NLGN1: variants seen among roughly 807,000 people sequenced by gnomAD.
The protein encoded by NLGN1 is neuroligin 1.
A neutral mutation model predicts 65.5 loss-of-function variants in NLGN1; 12 were observed. That is an observed-to-expected ratio of 0.18 (90% confidence interval 0.12 to 0.30). The LOEUF is 0.30. Among genes scored for constraint, NLGN1 ranks in the 10% least tolerant of loss-of-function variants. The probability of loss-of-function intolerance (pLI) is 1.00; values close to 1 mark genes in which losing one functional copy is unlikely to be tolerated. For synonymous variants in NLGN1, 350 were observed against 359.5 expected (o/e 0.97, Z 0.30); for missense variants, 750 against 1,007.1 (o/e 0.74, Z 3.46).
chr3:174,171,755 A>G (rs140491208), intron 4 of NLGN1, among the ~76,000 whole-genome samples: 1 of 152,184 alleles, frequency 6.6e-6, no homozygotes, highest in East Asian at 1.9e-4. Flanking sequence ...ATATCAATTT[A>G]ACTCTTCTTT....
intron 2 of NLGN1, among the ~76,000 whole-genome samples, chr3:173,562,905 T>C (rs1742999010): frequency 6.6e-6 from 1 of 152,166 alleles, no homozygotes; most frequent in African/African-American, 2.4e-5. Context: ...CTTTTGGCTA[T>C]CTCCACCAAG....
chr3:173,665,710 A>T (rs1231811386), intron 3 of NLGN1, among the ~76,000 whole-genome samples: 2 of 152,124 alleles, frequency 1.3e-5, no homozygotes, highest in African/African-American at 4.8e-5. Context: ...AAAGATATGT[A>T]TTTCAATGGG....
chr3:173,404,940 A>G (rs1718340678), intron 1 of NLGN1, among the ~76,000 whole-genome samples: 1 of 152,138 alleles, frequency 6.6e-6, no homozygotes, highest in African/African-American at 2.4e-5. Flanking sequence ...ACTACTTAGA[A>G]TTTTTACTTT....
At chr3:174,224,165 G>A (rs763597222) in intron 4 of NLGN1, among the ~76,000 whole-genome samples, 2 of 151,928 alleles carry the variant, frequency 1.3e-5, no homozygotes, top group East Asian at 1.9e-4. Context: ...CCACTTTCAG[G>A]GTTCTAGAAA....
chr3:174,192,107 T>C (rs1162827836), intron 4 of NLGN1, among the ~76,000 whole-genome samples: 1 of 152,116 alleles, frequency 6.6e-6, no homozygotes, highest in Non-Finnish European at 1.5e-5. Flanking sequence ...CGTTGTATAT[T>C]TCCGGATAGC....
chr3:173,835,422 A>C (rs1374555037), intron 4 of NLGN1, among the ~76,000 whole-genome samples: 1 of 152,114 alleles, frequency 6.6e-6, no homozygotes, highest in African/African-American at 2.4e-5. Flanking sequence ...TGAAATTTGC[A>C]ACAGAATTTA....
At chr3:173,914,226 C>A (rs952576751) in intron 4 of NLGN1, among the ~76,000 whole-genome samples, 3 of 152,146 alleles carry the variant, frequency 2.0e-5, no homozygotes, top group Non-Finnish European at 2.9e-5. Flanking sequence ...TCCCCTCCCC[C>A]ACATCCTTAA....
At chr3:173,700,095 G>A (rs1766900679) in intron 3 of NLGN1, among the ~76,000 whole-genome samples, 1 of 152,262 alleles carries the variant, frequency 6.6e-6, no homozygotes, top group South Asian at 2.1e-4. Flanking sequence ...ACGGGCAATG[G>A]AGTAAATCAG....
intron 4 of NLGN1, among the ~76,000 whole-genome samples, chr3:173,950,665 T>C (rs977290410): frequency 6.6e-6 from 1 of 151,612 alleles, no homozygotes; most frequent in Non-Finnish European, 1.5e-5. Flanking sequence ...ATACAAAAAT[T>C]AGCCGGGTGT....
intron 4 of NLGN1, among the ~76,000 whole-genome samples, chr3:173,892,370 A>G (rs765295568): frequency 5.8e-4 from 88 of 151,962 alleles, no homozygotes; most frequent in Non-Finnish European, 4.6e-4. Context: ...TCGTAAATGT[A>G]GGTTGGGAGG....
At chr3:173,489,131 A>G (rs888147075) in intron 2 of NLGN1, among the ~76,000 whole-genome samples, 7 of 151,502 alleles carry the variant, frequency 4.6e-5, no homozygotes, top group African/African-American at 1.7e-4. Context: ...CATGTGCACA[A>G]TGTGCAGGTT....
At chr3:173,885,263 A>G (rs1165487096) in intron 4 of NLGN1, among the ~76,000 whole-genome samples, 1 of 152,088 alleles carries the variant, frequency 6.6e-6, no homozygotes, top group East Asian at 1.9e-4. Context: ...TCAAATCTGC[A>G]CAGTTTAGAA....
At chr3:174,037,378 C>A (rs2152483793) in intron 4 of NLGN1, among the ~76,000 whole-genome samples, 1 of 152,244 alleles carries the variant, frequency 6.6e-6, no homozygotes, top group Middle Eastern at 3.4e-3. Context: ...GTGATAATTT[C>A]TTGATATGCC....
intron 3 of NLGN1, among the ~76,000 whole-genome samples, chr3:173,627,178 A>G (rs1287430437): frequency 6.6e-6 from 1 of 152,086 alleles, no homozygotes; most frequent in Non-Finnish European, 1.5e-5. Flanking sequence ...TAAGGTGTAC[A>G]ATGTTTGTAT....
intron 2 of NLGN1, among the ~76,000 whole-genome samples, chr3:173,477,387 A>G (rs1272007673): frequency 6.6e-6 from 1 of 152,072 alleles, no homozygotes; most frequent in Admixed American, 6.6e-5. Context: ...TGGAAAAAAA[A>G]CAACAACATA....
chr3:173,518,474 CTTATATA>C (rs1734223494), intron 2 of NLGN1, among the ~76,000 whole-genome samples: 1 of 149,462 alleles, frequency 6.7e-6, no homozygotes, highest in Non-Finnish European at 1.5e-5. Context: ...GTTATATATA[CTTATATA>C]TTATAAAGTA....
chr3:174,219,967 G>A (rs1471699959), intron 4 of NLGN1, among the ~76,000 whole-genome samples: 1 of 152,062 alleles, frequency 6.6e-6, no homozygotes, highest in Admixed American at 6.6e-5. Context: ...TGTTGGGAAG[G>A]CAGCAAAAAA....
Position 173,714,993 on chromosome 3 carries a change from A to G in NLGN1, c.494-92687A>G, listed in dbSNP as rs2149968576. Among the ~76,000 whole-genome samples, 4 of 152,264 alleles carry G rather than the reference A, an allele frequency of 2.6e-5. 1 individual carries two copies. In the Middle Eastern group the frequency reaches 0.014, roughly 518 times the overall value. On this transcript the variant is annotated intron_variant, in intron 3 of 6. Coordinates refer to ENST00000457714, the Ensembl canonical transcript of NLGN1. ...CCTTTTGATATAACATAAAGAGCAG[A>G]TGGAAGGAGGCAAAGTTTCCAGGAA... is the stretch of plus-strand genomic sequence containing the variant.
At chr3:173,674,980 A>AT (rs1250112022) in intron 3 of NLGN1, among the ~76,000 whole-genome samples, 1 of 151,334 alleles carries the variant, frequency 6.6e-6, no homozygotes. Flanking sequence ...GACTAACTAA[A>AT]TTTTTTTTTA....
Sources: allele counts gnomAD v4.1 joint callset (sites outside exome capture counted in the v4.1 genomes callset), GRCh38; gene constraint gnomAD v4.1.1; transcripts MANE v1.5; gene names NCBI Gene and HGNC (gene_info 2026-07-23, HGNC 2026-07-21).